CANX: variants seen among roughly 807,000 people sequenced by gnomAD.
The protein encoded by CANX is calnexin.
Under a neutral mutation model 75.7 loss-of-function variants are expected in CANX, and 14 were observed. The ratio of observed to expected loss-of-function variants is 0.19; its 90% CI spans 0.12 to 0.29. CANX has a LOEUF of 0.29. CANX is among the 10% of genes least tolerant of loss of function. CANX has a pLI of 1.00. For synonymous variants in CANX, 227 were observed against 236.9 expected (o/e 0.96, Z 0.38); for missense variants, 567 against 713.2 (o/e 0.79, Z 2.34).
chr5:179,679,681 T>G (rs1186391036), intron 1 of CANX, among the ~76,000 whole-genome samples: 1 of 151,984 alleles, frequency 6.6e-6, no homozygotes. Flanking sequence ...TTTTTGAGAC[T>G]GAGTCTCGCT....
intron 4 of CANX, among the ~76,000 whole-genome samples, chr5:179,707,640 G>T (rs1581854486): frequency 7.4e-6 from 1 of 135,402 alleles, no homozygotes; most frequent in Admixed American, 8.3e-5. Context: ...TTTGTGTGTT[G>T]CCTAATTTTT....
At chr5:179,710,961 C>T (rs997976526) in intron 7 of CANX, among the ~76,000 whole-genome samples, 13 of 151,852 alleles carry the variant, frequency 8.6e-5, no homozygotes, top group African/African-American at 2.9e-4. Flanking sequence ...GAGGCTGAGG[C>T]AGCAGAATTA....
chr5:179,694,508 C>A, upstream of CANX: 2 of 758,838 alleles, frequency 2.6e-6, no homozygotes, highest in South Asian at 2.7e-5. Flanking sequence ...AAATCCGCCC[C>A]AAGATCAAAT....
intron 1 of CANX, among the ~76,000 whole-genome samples, chr5:179,691,413 A>G (rs1776296611): frequency 6.6e-6 from 1 of 152,088 alleles, no homozygotes; most frequent in South Asian, 2.1e-4. Context: ...AAGCTGAGTA[A>G]AAAAGTGAGT....
chr5:179,694,750 TG>T (rs1191877091), upstream of CANX: 3 of 639,448 alleles, frequency 4.7e-6, no homozygotes, highest in African/African-American at 5.5e-5. Flanking sequence ...GAGGAGGAGA[TG>T]AGGAGGAGGA....
At position 179,702,297 on chromosome 5, in the gene CANX, C is replaced by G. The variant is rs146411849; in HGVS notation, c.-4+3195C>G. Reference sequence around the variant, plus strand: ...CTCCTGAGCTCAAGCGATCATCCTGCTTCCTCCAACTCCCAGAGTTCTGGG... The same window carrying G: ...CTCCTGAGCTCAAGCGATCATCCTGGTTCCTCCAACTCCCAGAGTTCTGGG... On this transcript the variant is annotated intron_variant, in intron 1 of 14. Coordinates refer to ENST00000247461, the MANE Select transcript of CANX (RefSeq NM_001746.4). Among the ~76,000 whole-genome samples the G allele has an allele frequency of 4.1e-4, 62 of 151,842 alleles. 1 individual carries two copies. The East Asian group carries it at 5.1e-3, about 12-fold the overall frequency.
chr5:179,721,250 G>C (rs1296958513), intron 10 of CANX, among the ~76,000 whole-genome samples: 1 of 150,082 alleles, frequency 6.7e-6, no homozygotes, highest in Non-Finnish European at 1.5e-5. Context: ...CACCTCACCT[G>C]GCTGATTTTT....
intron 1 of CANX, among the ~76,000 whole-genome samples, chr5:179,701,559 G>A (rs1406605774): frequency 2.0e-5 from 3 of 151,390 alleles, no homozygotes; most frequent in Non-Finnish European, 4.4e-5. Context: ...GACAGAGTGA[G>A]ACTCCATCTC....
Position 179,709,023 on chromosome 5 carries a change from T to C in CANX, c.492T>C (p.Tyr164=). 1.2e-6 allele frequency: 2 copies of C among 1,604,728 alleles called. No homozygotes were observed. Among genetic ancestry groups the C allele is most frequent in the Non-Finnish European group, 1.7e-6 (2 of 1,171,376 alleles). Residue 164 remains tyrosine (Y), a synonymous_variant, in exon 6 of 15, where the codon TAT becomes TAC. Coordinates refer to ENST00000247461, the MANE Select transcript of CANX (RefSeq NM_001746.4). ...FQNGIECGGA[Y]VKLLSKTPEL... ...ATGGAATAGAATGTGGTGGTGCCTA[T>C]GTGAAACTGCTTTCTAAAACACCAG...
At chr5:179,680,778 AAG>A in intron 1 of CANX, 2 of 946,078 alleles carry the variant, frequency 2.1e-6, no homozygotes, top group South Asian at 2.9e-5. Context: ...TGAGAAGAGA[AAG>A]AACTAGAGCA....
intron 8 of CANX, 103 bp from the exon 9 acceptor site, chr5:179,719,565 G>A (rs1333884133): frequency 1.9e-6 from 1 of 534,564 alleles, no homozygotes; most frequent in East Asian, 3.1e-5. Context: ...TTTAAATTTT[G>A]AGATTAAAAA....
chr5:179,696,679 A>T (rs938234643), upstream of CANX, among the ~76,000 whole-genome samples: 1 of 152,226 alleles, frequency 6.6e-6, no homozygotes, highest in Non-Finnish European at 1.5e-5. Flanking sequence ...GGCCAAGCTT[A>T]CATGTATGAG....
Position 179,716,431 on chromosome 5 carries a change from T to G in CANX, c.911+137T>G. On this transcript the variant is annotated intron_variant, in intron 8 of 14. Coordinates refer to ENST00000247461, the MANE Select transcript of CANX (RefSeq NM_001746.4). ...TGCAGTCTAATCTGTAGGGAAAATATAGAGTACTATAGCTGGAAAGGGGCC... is the reference window on the plus strand; with the variant it reads ...TGCAGTCTAATCTGTAGGGAAAATAGAGAGTACTATAGCTGGAAAGGGGCC... 3 of 640,292 alleles carry G rather than the reference T, an allele frequency of 4.7e-6. No homozygotes were observed. In the South Asian group the frequency reaches 6.0e-5, roughly 13 times the overall value. 39.7% of individuals were successfully genotyped at this position (640,292 alleles called of 1,614,324 possible).
At chr5:179,703,175 T>C (rs1330556451) in intron 1 of CANX, among the ~76,000 whole-genome samples, 1 of 151,866 alleles carries the variant, frequency 6.6e-6, no homozygotes, top group Non-Finnish European at 1.5e-5. Flanking sequence ...GGACTCCCAA[T>C]GTGCTGGGAT....
chr5:179,698,139 A>C (rs1023193643), upstream of CANX, among the ~76,000 whole-genome samples: 6 of 152,198 alleles, frequency 3.9e-5, no homozygotes, highest in African/African-American at 1.4e-4. Flanking sequence ...TGAGGTTCTC[A>C]GCATACTGAA....
upstream of CANX, among the ~76,000 whole-genome samples, chr5:179,695,250 G>A (rs1331940369): frequency 6.6e-6 from 1 of 151,906 alleles, no homozygotes; most frequent in Non-Finnish European, 1.5e-5. Context: ...TAGTAGAGAC[G>A]GGGTTTCACC....
chr5:179,686,935 GC>G (rs1226719500), intron 1 of CANX, among the ~76,000 whole-genome samples: 1 of 152,068 alleles, frequency 6.6e-6, no homozygotes, highest in Non-Finnish European at 1.5e-5. Flanking sequence ...CTGCCACCAT[GC>G]CTGGCTAATT....
rs138014977 is a variant in CANX at position 179,721,541 on chromosome 5, G to A, written c.1182+981G>A. On this transcript the variant is annotated intron_variant, in intron 10 of 14. Coordinates refer to ENST00000247461, the MANE Select transcript of CANX (RefSeq NM_001746.4). The stretch of plus-strand genomic sequence containing the variant: ...TGGACAATCTGTGATGTGGTGGGTA[G>A]AGGACTGTGGTTTGAGTCAGCATCT... Among the ~76,000 whole-genome samples, 947 of 152,340 alleles carry A rather than the reference G, an allele frequency of 6.2e-3. 10 individuals carry two copies. The highest frequency in any genetic ancestry group is 0.021 in the African/African-American group (879 of 41,578).
At chr5:179,726,070 C>T (rs1434737695) in intron 13 of CANX, among the ~76,000 whole-genome samples, 1 of 149,440 alleles carries the variant, frequency 6.7e-6, no homozygotes, top group East Asian at 2.0e-4. Flanking sequence ...GGGTGGATCA[C>T]CTGAGGTCAG....
Sources: allele counts gnomAD v4.1 joint callset (sites outside exome capture counted in the v4.1 genomes callset), GRCh38; gene constraint gnomAD v4.1.1; transcripts MANE v1.5; gene names NCBI Gene and HGNC (gene_info 2026-07-23, HGNC 2026-07-21).